The following PSPC1 variants were observed in gnomAD, a reference collection of about 807,000 sequenced individuals.
PSPC1 encodes paraspeckle protein 1.
In PSPC1, 14 loss-of-function variants were observed where a neutral mutation model predicts 51.6. The observed-to-expected ratio is 0.27, with a 90% CI of 0.18 to 0.42. The LOEUF is 0.42. Ranked by LOEUF, PSPC1 falls within the 10% of genes least tolerant of loss-of-function variation. PSPC1 has a pLI of 1.00. For missense variants in PSPC1, 406 were observed against 701.1 expected, an observed-to-expected ratio of 0.58 and a Z score of 4.75; for synonymous variants, 193 against 231.9, an observed-to-expected ratio of 0.83 and a Z score of 1.53.
At chr13:19,752,754 T>G (rs967536865) in intron 3 of PSPC1, among the ~76,000 whole-genome samples, 1 of 152,030 alleles carries the variant, frequency 6.6e-6, no homozygotes, top group African/African-American at 2.4e-5. Flanking sequence ...CTTGGCTTAT[T>G]TTTTGTAATT....
chr13:19,691,693 C>T (rs1467269091), intron 6 of PSPC1, among the ~76,000 whole-genome samples: 3 of 151,882 alleles, frequency 2.0e-5, no homozygotes, highest in South Asian at 4.2e-4. Context: ...CCGAGGTAGG[C>T]GGATCACTTG....
chr13:19,698,745 G>A (rs960266131), downstream of PSPC1, among the ~76,000 whole-genome samples: 55 of 151,844 alleles, frequency 3.6e-4, no homozygotes, highest in Admixed American at 3.5e-3. Context: ...AGGATCTTTC[G>A]CAGAGGAGGG....
chr13:19,677,090 G>A (rs904032656), intron 7 of PSPC1, among the ~76,000 whole-genome samples: 13 of 151,964 alleles, frequency 8.6e-5, no homozygotes, highest in Admixed American at 2.0e-4. Flanking sequence ...AAAATTAGCC[G>A]GGCATGGTGG....
chr13:19,779,071 T>C (rs1889560669), intron 1 of PSPC1, among the ~76,000 whole-genome samples: 1 of 113,294 alleles, frequency 8.8e-6, no homozygotes, highest in Non-Finnish European at 1.9e-5. Context: ...AGACCCCGTC[T>C]GGGAGGTGAG....
At chr13:19,761,481 T>C (rs1360181645) in intron 2 of PSPC1, among the ~76,000 whole-genome samples, 1 of 152,076 alleles carries the variant, frequency 6.6e-6, no homozygotes, top group East Asian at 1.9e-4. Context: ...GCTAGAGAGA[T>C]GAAGGGTTTT....
At chr13:19,723,973 T>G (rs1012467344) in intron 6 of PSPC1, among the ~76,000 whole-genome samples, 4 of 152,238 alleles carry the variant, frequency 2.6e-5, no homozygotes, top group African/African-American at 4.8e-5. Flanking sequence ...TAAATAAGCC[T>G]ACCAGTCCAG....
At chr13:19,759,739 G>A (rs1887432841) in intron 2 of PSPC1, among the ~76,000 whole-genome samples, 1 of 151,972 alleles carries the variant, frequency 6.6e-6, no homozygotes, top group Non-Finnish European at 1.5e-5. Context: ...GTGTGTGCCT[G>A]TAATCCCAGC....
downstream of PSPC1, among the ~76,000 whole-genome samples, chr13:19,697,619 A>G (rs556814663): frequency 2.0e-4 from 30 of 152,188 alleles, no homozygotes; most frequent in Non-Finnish European, 3.1e-4. Context: ...GTCTGGGAAC[A>G]TATTTTCTAA....
At chr13:19,709,464 T>C (rs1225292309) in intron 7 of PSPC1, 78 bp downstream of exon 7, 31 of 1,142,468 alleles carry the variant, frequency 2.7e-5, no homozygotes, top group Non-Finnish European at 3.7e-5. Context: ...TTCTTACTGA[T>C]ATGTAGATAC....
At chr13:19,732,559 C>G (rs1185928245) in intron 5 of PSPC1, among the ~76,000 whole-genome samples, 1 of 152,306 alleles carries the variant, frequency 6.6e-6, no homozygotes, top group South Asian at 2.1e-4. Flanking sequence ...ATAAAGGTTT[C>G]ACATAACAGG....
At chr13:19,751,162 C>CT (rs1886511873) in intron 4 of PSPC1, 109 bp downstream of exon 4, 1 of 824,720 alleles carries the variant, frequency 1.2e-6, no homozygotes, top group Admixed American at 3.1e-5. Context: ...TGAGTTCCAA[C>CT]TTTACCTCTA....
chr13:19,760,857 G>A (rs1206078906), intron 2 of PSPC1, among the ~76,000 whole-genome samples: 1 of 150,562 alleles, frequency 6.6e-6, no homozygotes, highest in African/African-American at 2.4e-5. Context: ...GCGTGGTGGT[G>A]CACGCCTGTA....
intron 2 of PSPC1, among the ~76,000 whole-genome samples, chr13:19,770,308 A>C (rs1888502531): frequency 6.6e-6 from 1 of 152,182 alleles, no homozygotes; most frequent in Non-Finnish European, 1.5e-5. Context: ...GGGGTAACGG[A>C]AGTGTTCTGT....
intron 6 of PSPC1, among the ~76,000 whole-genome samples, chr13:19,727,165 G>A (rs1249666458): frequency 7.2e-5 from 11 of 152,138 alleles, no homozygotes; most frequent in Admixed American, 2.0e-4. Flanking sequence ...AAGCCAAGGC[G>A]GGCAGATCAC....
downstream of PSPC1, chr13:19,674,687 A>T (rs1876436360): frequency 6.6e-6 from 1 of 152,268 alleles, no homozygotes; most frequent in Admixed American, 6.5e-5. Flanking sequence ...ATGATTAGCA[A>T]AACAAGGAAA....
chr13:19,750,457 A>AAC (rs1332517782), intron 4 of PSPC1, among the ~76,000 whole-genome samples: 2 of 58,404 alleles, frequency 3.4e-5, no homozygotes, highest in Admixed American at 2.7e-4. Context: ...CAAACAAACA[A>AAC]AAATATATAT....
chr13:19,778,367 C>G (rs1210851699), intron 1 of PSPC1, among the ~76,000 whole-genome samples: 211 of 4,750 alleles, frequency 0.044, 2 homozygotes, highest in South Asian at 0.2. Flanking sequence ...CTCCCTCTCC[C>G]CCTCCCCCTC....
At chr13:19,740,965 C>G (rs1885381831) in intron 5 of PSPC1, among the ~76,000 whole-genome samples, 2 of 152,070 alleles carry the variant, frequency 1.3e-5, no homozygotes, top group South Asian at 4.1e-4. Context: ...ACCTCCGCCT[C>G]CTGGATTCAA....
chr13:19,704,322 T>A (rs1194623548), intron 8 of PSPC1, among the ~76,000 whole-genome samples: 2 of 152,268 alleles, frequency 1.3e-5, no homozygotes, highest in African/African-American at 2.4e-5. Context: ...CTCATCTCCC[T>A]GTATAAACTA....
Sources: allele counts gnomAD v4.1 joint callset (sites outside exome capture counted in the v4.1 genomes callset), GRCh38; gene constraint gnomAD v4.1.1; transcripts MANE v1.5; gene names NCBI Gene and HGNC (gene_info 2026-07-23, HGNC 2026-07-21).